The following KHDRBS2 variants were observed in gnomAD, a reference collection of about 807,000 sequenced individuals.
KHDRBS2 encodes KH RNA binding domain containing, signal transduction associated 2.
Under a neutral mutation model 44.3 loss-of-function variants are expected in KHDRBS2, and 26 were observed. That is an observed-to-expected ratio of 0.59 (90% CI 0.43 to 0.81). The LOEUF (loss-of-function observed/expected upper bound fraction) is 0.81. Among genes scored for constraint, KHDRBS2 ranks in the 40% least tolerant of loss-of-function variants. The probability of loss-of-function intolerance (pLI) is 0.00; values close to 1 mark genes in which losing one functional copy is unlikely to be tolerated. For synonymous variants in KHDRBS2, 194 were observed against 151.1 expected (o/e 1.28, Z -2.08); for missense variants, 476 against 433.1 (o/e 1.10, Z -0.88).
intron 2 of KHDRBS2, among the ~76,000 whole-genome samples, chr6:62,116,436 C>G (rs1300595719): frequency 6.6e-6 from 1 of 151,944 alleles, no homozygotes; most frequent in Non-Finnish European, 1.5e-5. Context: ...TGGTATTTGT[C>G]TTTTTGTGCC....
chr6:61,934,219 T>C (rs1418138457), intron 4 of KHDRBS2, among the ~76,000 whole-genome samples: 2 of 152,192 alleles, frequency 1.3e-5, no homozygotes, highest in Admixed American at 1.3e-4. Flanking sequence ...GTCAGATATA[T>C]ACTTTGCAAA....
rs146835399 is a variant in KHDRBS2, at chr6:62,244,594, C to T, written c.91+41264G>A. Among the ~76,000 whole-genome samples the T allele has an allele frequency of 8.6e-3, 1,309 of 152,144 alleles. 13 individuals carry two copies. The highest frequency in any genetic ancestry group is 0.014 in the Non-Finnish European group (969 of 67,998). On this transcript the variant is annotated intron_variant, in intron 1 of 8. Coordinates refer to ENST00000281156, the MANE Select transcript of KHDRBS2 (RefSeq NM_152688.4). ...GAGAAGCATAGCTCAGATATTTACA[C>T]AATTTTTTTTTCATTTTTCAACATC...
At chr6:61,682,009 A>G (rs1295231681) in intron 8 of KHDRBS2, among the ~76,000 whole-genome samples, 1 of 151,922 alleles carries the variant, frequency 6.6e-6, no homozygotes, top group African/African-American at 2.4e-5. Context: ...AGGTGCAGAC[A>G]AAGGAAAGAA....
At chr6:61,930,523 TAAAAAAAAAAAAAAAAAAAAAAGAAAAAA>T (rs1304240972) in intron 4 of KHDRBS2, among the ~76,000 whole-genome samples, 4 of 39,220 alleles carry the variant, frequency 1.0e-4, no homozygotes, top group Non-Finnish European at 1.7e-4. Context: ...ATACCGCCCC[TAAAAAAAAAAAAAAAAAAAAAAGAAAAAA>T]AAAAAAAAAA....
At chr6:61,739,168 C>A (rs1217881581) in intron 6 of KHDRBS2, among the ~76,000 whole-genome samples, 2 of 151,676 alleles carry the variant, frequency 1.3e-5, no homozygotes, top group South Asian at 2.1e-4. Flanking sequence ...TTTGCAAAAT[C>A]CACTATAACT....
intron 1 of KHDRBS2, among the ~76,000 whole-genome samples, chr6:62,226,511 T>C (rs1396305485): frequency 6.6e-6 from 1 of 152,234 alleles, no homozygotes; most frequent in Non-Finnish European, 1.5e-5. Context: ...GATAGTTTCT[T>C]TTGTTGTGCA....
chr6:62,051,302 T>C (rs556804549), intron 2 of KHDRBS2, among the ~76,000 whole-genome samples: 167 of 152,176 alleles, frequency 1.1e-3, no homozygotes, highest in Middle Eastern at 3.4e-3. Flanking sequence ...TAAAAACTCA[T>C]GTAAAATATT....
chr6:61,771,937 G>T (rs1473382058), intron 6 of KHDRBS2, among the ~76,000 whole-genome samples: 1 of 152,142 alleles, frequency 6.6e-6, no homozygotes, highest in Non-Finnish European at 1.5e-5. Context: ...ATAGTGGGAA[G>T]TAAAGCACTC....
the KHDRBS2 span, among the ~76,000 whole-genome samples, chr6:61,547,690 G>T: frequency 1.8e-4 from 27 of 152,276 alleles, no homozygotes; most frequent in South Asian, 4.8e-3. Flanking sequence ...AATTAAGCCA[G>T]TGTCTCTAGG....
At chr6:61,614,828 TA>T in the KHDRBS2 span, among the ~76,000 whole-genome samples, 1 of 152,306 alleles carries the variant, frequency 6.6e-6, no homozygotes, top group African/African-American at 2.4e-5. Context: ...CCCTGCAACG[TA>T]AGAGCTCTAT....
At chr6:61,641,040 A>G in the KHDRBS2 span, among the ~76,000 whole-genome samples, 2 of 152,168 alleles carry the variant, frequency 1.3e-5, no homozygotes, top group African/African-American at 2.4e-5. Flanking sequence ...TCTAAGTTAT[A>G]TTCTTGTGTA....
At chr6:62,069,588 G>A (rs542578573) in intron 2 of KHDRBS2, among the ~76,000 whole-genome samples, 1 of 151,722 alleles carries the variant, frequency 6.6e-6, no homozygotes, top group African/African-American at 2.4e-5. Context: ...AAATACACCA[G>A]AACTGTGAGA....
the KHDRBS2 span, among the ~76,000 whole-genome samples, chr6:61,548,781 A>G: frequency 6.6e-6 from 1 of 152,178 alleles, no homozygotes; most frequent in African/African-American, 2.4e-5. Context: ...GGTTGAAAAT[A>G]GGAAAAAGTG....
chr6:61,956,964 C>G (rs930562560), intron 4 of KHDRBS2, among the ~76,000 whole-genome samples: 2 of 149,374 alleles, frequency 1.3e-5, no homozygotes, highest in African/African-American at 5.0e-5. Context: ...GTCAGGGACC[C>G]CGAACGGAGG....
intron 6 of KHDRBS2, among the ~76,000 whole-genome samples, chr6:61,751,696 T>G (rs772558740): frequency 2.0e-5 from 3 of 152,202 alleles, no homozygotes; most frequent in Non-Finnish European, 4.4e-5. Context: ...AGGAATGGCC[T>G]GTTAGTAGAA....
At chr6:61,625,661 TTC>T in the KHDRBS2 span, among the ~76,000 whole-genome samples, 2 of 152,260 alleles carry the variant, frequency 1.3e-5, no homozygotes, top group South Asian at 4.1e-4. Flanking sequence ...TCCTCTTTTC[TTC>T]TCTGTTTTCA....
intron 2 of KHDRBS2, among the ~76,000 whole-genome samples, chr6:62,080,489 C>T (rs186346766): frequency 6.6e-6 from 1 of 152,230 alleles, no homozygotes; most frequent in Non-Finnish European, 1.5e-5. Context: ...TTCATAAACG[C>T]ATAAATGATC....
the KHDRBS2 span, among the ~76,000 whole-genome samples, chr6:61,647,878 C>A: frequency 6.6e-6 from 1 of 152,086 alleles, no homozygotes; most frequent in East Asian, 1.9e-4. Flanking sequence ...ACAGACTTCA[C>A]AATATTAGTT....
downstream of KHDRBS2, among the ~76,000 whole-genome samples, chr6:61,676,192 A>C (rs1765928305): frequency 6.6e-6 from 1 of 151,854 alleles, no homozygotes; most frequent in Middle Eastern, 3.2e-3. Flanking sequence ...AAAGGATACT[A>C]ACTTAAAGAA....
Sources: gnomAD v4.1 joint callset for allele counts (sites outside exome capture counted in the v4.1 genomes callset) on GRCh38, gnomAD v4.1.1 for gene constraint, MANE v1.5 for transcripts, NCBI Gene and HGNC (gene_info 2026-07-23, HGNC 2026-07-21) for gene names.